Variants in EDDM13 observed in about 807,000 individuals in gnomAD.
EDDM13 encodes the protein epididymal protein 13.
EDDM13 carries 24 observed loss-of-function variants against 17.8 expected under a neutral mutation model. The ratio of observed to expected loss-of-function variants is 1.35; its 90% CI spans 0.98 to 1.90. The LOEUF (loss-of-function observed/expected upper bound fraction) is 1.90. Ranked by LOEUF, EDDM13 falls within the 40% of genes most tolerant of loss-of-function variation. EDDM13 has a pLI of 0.00. For missense variants in EDDM13, 97 were observed against 100.8 expected, an observed-to-expected ratio of 0.96 and a Z score of 0.16; for synonymous variants, 31 against 37.5, an observed-to-expected ratio of 0.83 and a Z score of 0.63.
chr19:56,287,789 A>G (rs1388313479), intron 6 of EDDM13, among the ~76,000 whole-genome samples: 1 of 152,200 alleles, frequency 6.6e-6, no homozygotes, highest in Non-Finnish European at 1.5e-5. Context: ...GGCCACTAAC[A>G]GTAGATTCAT....
rs763278047 is a variant in EDDM13 at position 56,288,426 on chromosome 19, G to T, written c.196G>T (p.Val66Leu). The change falls in exon 7 of 15, where the codon GTG becomes TTG. Residue 66 changes from valine (V) to leucine (L), a missense_variant. By Grantham distance (32) the Val-to-Leu change is conservative. Transcript: ENST00000649256. ...NITSLKMPPL[V>L]SPQDRTEEEI... ...CACTTCCCTCAAGATGCCTCCCCTG[G>T]TGTCCCCGCAAGGTTAGCAACCATC... is the stretch of plus-strand genomic sequence containing the variant. 6.6e-6 allele frequency among the ~76,000 whole-genome samples: 1 copy of T among 152,036 alleles called. No homozygotes were observed. Among genetic ancestry groups the T allele is most frequent in the Non-Finnish European group, 1.5e-5 (1 of 68,008 alleles).
At chr19:56,286,476 TA>T (rs1250756841) in intron 6 of EDDM13, 2 of 116,528 alleles carry the variant, frequency 1.7e-5, no homozygotes, top group Non-Finnish European at 4.4e-5. Context: ...GCTTTCTCCT[TA>T]AGTCAATAAA....
At position 56,276,789 on chromosome 19, in the gene EDDM13, G is replaced by A. The variant is rs568418615; in HGVS notation, c.103+680G>A. Among the ~76,000 whole-genome samples, 1,263 of 151,940 alleles carry A rather than the reference G, an allele frequency of 8.3e-3. 15 individuals carry two copies. The highest frequency in any genetic ancestry group is 0.029 in the African/African-American group (1,215 of 41,456). On this transcript the variant is annotated intron_variant, in intron 2 of 14. Coordinates refer to ENST00000649256, the MANE Select transcript of EDDM13 (RefSeq NM_001354658.2). ...TGACCTCAGGTGATCCGCCCACCTC[G>A]GCCTCCCAAAGTGCTGGGATTACAG...
intron 2 of EDDM13, among the ~76,000 whole-genome samples, chr19:56,278,708 G>A (rs896968861): frequency 6.6e-6 from 1 of 152,234 alleles, no homozygotes; most frequent in Non-Finnish European, 1.5e-5. Flanking sequence ...GAAGGCCTCA[G>A]AACCAAGGAA....
At chr19:56,297,438 CCTT>C (rs1442142486) in intron 11 of EDDM13, 64 bp from the exon 12 acceptor site, 1 of 613,940 alleles carries the variant, frequency 1.6e-6, no homozygotes, top group Non-Finnish European at 2.0e-6. Context: ...TCTCTCCCTC[CCTT>C]TCTTCCTTTC....
In EDDM13 at chr19:56,291,737, CAT is replaced by C. The variant is rs2039522667; in HGVS notation, c.232+892_232+893del. 2.0e-5 allele frequency among the ~76,000 whole-genome samples: 3 copies of C among 152,076 alleles called. No individual in the cohort carries two copies. In the South Asian group the frequency reaches 6.2e-4, roughly 32 times the overall value. On this transcript the variant is annotated intron_variant, in intron 9 of 14. Coordinates refer to ENST00000649256, the MANE Select transcript of EDDM13 (RefSeq NM_001354658.2). The stretch of plus-strand genomic sequence containing the variant: ...CATGGATCAACTCTCAGCTTTTGAC[CAT>C]CTTTTTTTTTTAAACTCAAGAACTG...
chr19:56,282,324 T>C (rs867065144), intron 3 of EDDM13, among the ~76,000 whole-genome samples, 167 bp from the exon 4 acceptor site: 1 of 152,106 alleles, frequency 6.6e-6, no homozygotes, highest in Non-Finnish European at 1.5e-5. Flanking sequence ...TTAGAATGAA[T>C]TGCAGCTCCC....
At chr19:56,304,225 G>A (rs1010565472) in intron 13 of EDDM13, among the ~76,000 whole-genome samples, 3 of 152,228 alleles carry the variant, frequency 2.0e-5, no homozygotes, top group African/African-American at 7.2e-5. Flanking sequence ...GATGAGAGCC[G>A]TGCAGCAGTT....
chr19:56,280,056 T>C (rs1298431575), intron 2 of EDDM13, among the ~76,000 whole-genome samples: 1 of 152,158 alleles, frequency 6.6e-6, no homozygotes, highest in Non-Finnish European at 1.5e-5. Flanking sequence ...TCATTTCCCT[T>C]CCCCGAAAGA....
chr19:56,272,891 AT>A lies in EDDM13; in HGVS notation c.59del (p.Leu20TrpfsTer19). ...CGCTGCTGATTCTGCTTTTCCTGGG[AT>A]TGGCAGAAGCCTGTACTCCTCGTGA... ...MSLLILLFLG[L>X]AEACTPREVA... On this transcript the variant is annotated frameshift_variant, in exon 1 of 15. Transcript: ENST00000649256. LOFTEE classifies it high-confidence loss of function. 1.0e-6 allele frequency: 1 copy of A among 985,364 alleles called. No homozygotes were observed. Among genetic ancestry groups the A allele is most frequent in the South Asian group, 4.7e-5 (1 of 21,266 alleles). 61.0% of individuals were successfully genotyped at this position (985,364 alleles called of 1,614,324 possible).
chr19:56,278,426 G>A lies in EDDM13; in HGVS notation c.103+2317G>A, dbSNP rs529405075. Among the ~76,000 whole-genome samples the A allele has an allele frequency of 8.7e-3, 1,320 of 152,180 alleles. 7 individuals are homozygous for A. Among genetic ancestry groups the A allele is most frequent in the Admixed American group, 0.014 (220 of 15,308 alleles). The stretch of plus-strand genomic sequence containing the variant: ...TGGGATTACAGGCGTGAGCCGCCCC[G>A]CCCAGCCACAATGTGCTATTTTGGT... On this transcript the variant is annotated intron_variant, in intron 2 of 14. Transcript: ENST00000649256.
chr19:56,295,085 A>C (rs2039775792), intron 9 of EDDM13: 1 of 152,192 alleles, frequency 6.6e-6, no homozygotes, highest in Non-Finnish European at 1.5e-5. Context: ...AACGTTCTAA[A>C]ATTGTTTGTG....
intron 2 of EDDM13, among the ~76,000 whole-genome samples, chr19:56,279,289 T>C (rs1391506548): frequency 1.3e-5 from 2 of 152,162 alleles, no homozygotes; most frequent in African/African-American, 2.4e-5. Context: ...CTCTTTTTTT[T>C]CCACCCCTAC....
chr19:56,294,978 G>A (rs1267817891), intron 9 of EDDM13: 1 of 152,238 alleles, frequency 6.6e-6, no homozygotes, highest in Admixed American at 6.5e-5. Flanking sequence ...CCGCGGGAGA[G>A]GGGGGTGAGC....
intron 1 of EDDM13, among the ~76,000 whole-genome samples, chr19:56,273,476 T>C (rs1266336870): frequency 3.6e-5 from 3 of 84,070 alleles, no homozygotes; most frequent in Non-Finnish European, 9.6e-5. Context: ...AAAATAGTTC[T>C]GTCTTCATGG....
At chr19:56,293,566 C>T (rs984843713) in intron 9 of EDDM13, among the ~76,000 whole-genome samples, 1 of 152,204 alleles carries the variant, frequency 6.6e-6, no homozygotes, top group Admixed American at 6.5e-5. Context: ...TTTCTAGTTC[C>T]GTGGGCTTCG....
chr19:56,277,206 C>T (rs986130532), intron 2 of EDDM13, among the ~76,000 whole-genome samples: 1 of 152,178 alleles, frequency 6.6e-6, no homozygotes, highest in Non-Finnish European at 1.5e-5. Context: ...ATAAATGAAA[C>T]GTAAGTCCAC....
chr19:56,301,478 G>A (rs1471158621), intron 12 of EDDM13, among the ~76,000 whole-genome samples: 1 of 152,090 alleles, frequency 6.6e-6, no homozygotes, highest in African/African-American at 2.4e-5. Context: ...CACTTGAATC[G>A]CTATCTTGGT....
chr19:56,284,463 CAG>C (rs1358980353), intron 5 of EDDM13, among the ~76,000 whole-genome samples: 20 of 131,966 alleles, frequency 1.5e-4, no homozygotes, highest in Admixed American at 1.4e-3. Context: ...TGGTGGGAAA[CAG>C]AGATAAGTAA....
Sources: allele counts gnomAD v4.1 joint callset (sites outside exome capture counted in the v4.1 genomes callset), GRCh38; gene constraint gnomAD v4.1.1; transcripts MANE v1.5; gene names NCBI Gene and HGNC (gene_info 2026-07-23, HGNC 2026-07-21).